The following MARCHF1 variants were observed in gnomAD, a reference collection of about 807,000 sequenced individuals.
MARCHF1 encodes the protein membrane associated ring-CH-type finger 1.
In MARCHF1, 40 loss-of-function variants were observed where a neutral mutation model predicts 54.2. The observed-to-expected ratio is 0.74, with a 90% CI of 0.57 to 0.96. The LOEUF (loss-of-function observed/expected upper bound fraction) is 0.96. MARCHF1 is among the 40% of genes least tolerant of loss of function. The pLI, the probability that MARCHF1 is intolerant of heterozygous loss-of-function variation, is 0.00. For missense variants in MARCHF1, 586 were observed against 656.5 expected (o/e 0.89, Z 1.17); for synonymous variants, 236 against 236.3 (o/e 1.00, Z 0.01).
intron 2 of MARCHF1, among the ~76,000 whole-genome samples, chr4:164,046,841 T>C (rs1579488351): frequency 6.6e-6 from 1 of 152,106 alleles, no homozygotes; most frequent in South Asian, 2.1e-4. Context: ...AGAAGTTTCA[T>C]GGAAAAAGGA....
rs142446554 is a variant in MARCHF1, at chr4:163,629,542, C to T, written c.163-16149G>A. Among the ~76,000 whole-genome samples, 81 of 152,152 alleles carry T rather than the reference C, an allele frequency of 5.3e-4. No homozygotes were observed. In the East Asian group the frequency reaches 0.012, roughly 23 times the overall value. On this transcript the variant is annotated intron_variant, in intron 5 of 9. Transcript: ENST00000514618. Reference sequence around the variant, plus strand: ...ACAGCAAAAGCAATGGTAACACAAGCGAAAATTGACAAATGGGATCTAATT... The same window carrying T: ...ACAGCAAAAGCAATGGTAACACAAGTGAAAATTGACAAATGGGATCTAATT...
intron 1 of MARCHF1, among the ~76,000 whole-genome samples, chr4:164,206,621 A>C (rs1731614006): frequency 6.6e-6 from 1 of 152,172 alleles, no homozygotes; most frequent in Admixed American, 6.5e-5. Context: ...TCAAACTAAG[A>C]ATTAAAAAGG....
intron 2 of MARCHF1, among the ~76,000 whole-genome samples, chr4:164,018,832 T>C (rs1229651344): frequency 6.6e-6 from 1 of 152,212 alleles, no homozygotes; most frequent in Non-Finnish European, 1.5e-5. Flanking sequence ...ATAATTTTCA[T>C]ATGAAGGGCA....
chr4:164,364,492 A>C (rs571899272), intron 1 of MARCHF1, among the ~76,000 whole-genome samples: 1 of 152,208 alleles, frequency 6.6e-6, no homozygotes, highest in African/African-American at 2.4e-5. Flanking sequence ...TTTAATGACA[A>C]ATCTACTCAT....
At chr4:163,576,091 AGTTT>A (rs938551988) in intron 8 of MARCHF1, among the ~76,000 whole-genome samples, 7 of 150,868 alleles carry the variant, frequency 4.6e-5, no homozygotes, top group African/African-American at 1.7e-4. Context: ...CTTTAAGGTT[AGTTT>A]GTTCTTGTTT....
chr4:163,581,947 A>G (rs1241247774), intron 8 of MARCHF1, among the ~76,000 whole-genome samples: 1 of 152,236 alleles, frequency 6.6e-6, no homozygotes, highest in Non-Finnish European at 1.5e-5. Context: ...CATATCCTGT[A>G]TTGTACATTT....
intron 2 of MARCHF1, among the ~76,000 whole-genome samples, chr4:164,047,305 A>G (rs1273545582): frequency 6.6e-6 from 1 of 152,158 alleles, no homozygotes; most frequent in Non-Finnish European, 1.5e-5. Context: ...CATGGAAATG[A>G]GAATTCCTAC....
rs3080980 is a variant in MARCHF1 at position 163,683,889 on chromosome 4, GCTCACTCACTCACTCACTCA to G, written c.162+16904_162+16923del. ...GGCTCAAGGCAGACATCATGTGGAG[GCTCACTCACTCACTCACTCA>G]CTCACTCACTCACTCACTCACTCAC... is the stretch of plus-strand genomic sequence containing the variant. On this transcript the variant is annotated intron_variant, in intron 5 of 9. Transcript: ENST00000514618. Among the ~76,000 whole-genome samples, 20 of 149,022 alleles carry G rather than the reference GCTCACTCACTCACTCACTCA, an allele frequency of 1.3e-4. 1 individual carries two copies. The highest frequency in any genetic ancestry group is 8.7e-4 in the South Asian group (4 of 4,594).
At chr4:163,789,207 CAT>C (rs1747703252) in intron 4 of MARCHF1, among the ~76,000 whole-genome samples, 1 of 151,866 alleles carries the variant, frequency 6.6e-6, no homozygotes, top group Non-Finnish European at 1.5e-5. Flanking sequence ...TCATTAATCT[CAT>C]ATTTTAAAAC....
At position 164,093,814 on chromosome 4, in the gene MARCHF1, T is replaced by G. The variant is rs1224434503; in HGVS notation, c.-248+17774A>C. 2.0e-5 allele frequency among the ~76,000 whole-genome samples: 3 copies of G among 152,060 alleles called. No individual in the cohort carries two copies. The East Asian group carries it at 5.8e-4, about 29-fold the overall frequency. ...AGCACCCTTAATGTATGGGTAAAAT[T>G]TGTGCATCTCCAGCCCAGAAGAGAA... On this transcript the variant is annotated intron_variant, in intron 2 of 9. Transcript: ENST00000514618.
At chr4:164,029,536 CTTTA>C (rs1161610620) in intron 2 of MARCHF1, among the ~76,000 whole-genome samples, 20 of 151,792 alleles carry the variant, frequency 1.3e-4, no homozygotes, top group Non-Finnish European at 2.9e-5. Context: ...TAGTAAAATG[CTTTA>C]TTTCTCACTG....
At chr4:163,687,268 C>T (rs1224931138) in intron 5 of MARCHF1, among the ~76,000 whole-genome samples, 9 of 151,176 alleles carry the variant, frequency 6.0e-5, no homozygotes, top group Non-Finnish European at 1.0e-4. Flanking sequence ...TGCTCTGTCA[C>T]CCAGGCTGGA....
intron 1 of MARCHF1, among the ~76,000 whole-genome samples, chr4:164,326,997 G>A (rs111358273): frequency 2.4e-4 from 36 of 149,322 alleles, no homozygotes; most frequent in African/African-American, 8.3e-4. Context: ...GTGTGTGTGT[G>A]TGTATGACTT....
At position 163,974,520 on chromosome 4, in the gene MARCHF1, C is replaced by T. The variant is rs191690347; in HGVS notation, c.-39+13981G>A. Reference sequence around the variant, plus strand: ...CCTTTGAATCTTTCCAGCTGAAGCCCAGGAATCATGGAATAGTGAAAAACC... The same window carrying T: ...CCTTTGAATCTTTCCAGCTGAAGCCTAGGAATCATGGAATAGTGAAAAACC... On this transcript the variant is annotated intron_variant, in intron 3 of 9. Coordinates refer to ENST00000514618, the MANE Select transcript of MARCHF1 (RefSeq NM_001394959.1). Among the ~76,000 whole-genome samples, 221 of 152,218 alleles carry T rather than the reference C, an allele frequency of 1.5e-3. 1 individual carries two copies. Among genetic ancestry groups the T allele is most frequent in the Non-Finnish European group, 2.4e-3 (162 of 68,018 alleles).
intron 1 of MARCHF1, among the ~76,000 whole-genome samples, chr4:164,360,235 C>A (rs1730686036): frequency 6.6e-6 from 1 of 152,042 alleles, no homozygotes; most frequent in Non-Finnish European, 1.5e-5. Flanking sequence ...AAAAAAAAAT[C>A]CAGATTTTGC....
At chr4:164,054,677 A>G (rs1336524532) in intron 2 of MARCHF1, among the ~76,000 whole-genome samples, 1 of 150,320 alleles carries the variant, frequency 6.7e-6, no homozygotes, top group Non-Finnish European at 1.5e-5. Context: ...CTATCGCAAG[A>G]ACAAAAAACC....
intron 2 of MARCHF1, among the ~76,000 whole-genome samples, chr4:164,081,151 T>C (rs1755088875): frequency 8.6e-6 from 1 of 116,816 alleles, no homozygotes; most frequent in South Asian, 2.9e-4. Flanking sequence ...GAGCTTGCAG[T>C]GAGCCGAGAT....
intron 5 of MARCHF1, among the ~76,000 whole-genome samples, chr4:163,643,958 T>C (rs1478882764): frequency 6.6e-6 from 1 of 152,146 alleles, no homozygotes; most frequent in Non-Finnish European, 1.5e-5. Flanking sequence ...ACAATAGTAT[T>C]GTGTAATTGT....
intron 9 of MARCHF1, among the ~76,000 whole-genome samples, chr4:163,532,084 A>G (rs1262550002): frequency 6.6e-6 from 1 of 151,914 alleles, no homozygotes; most frequent in Admixed American, 6.6e-5. Flanking sequence ...TTTTATGGAT[A>G]TTGACAAACT....
Sources: allele counts gnomAD v4.1 joint callset (sites outside exome capture counted in the v4.1 genomes callset), GRCh38; gene constraint gnomAD v4.1.1; transcripts MANE v1.5; gene names NCBI Gene and HGNC (gene_info 2026-07-23, HGNC 2026-07-21).